The following STIL variants were observed in gnomAD, a reference collection of about 807,000 sequenced individuals.
STIL encodes SCL-interrupting locus protein.
STIL carries 55 observed loss-of-function variants against 110.1 expected under a neutral mutation model. The ratio of observed to expected loss-of-function variants is 0.50; its 90% CI spans 0.40 to 0.63. The LOEUF is 0.63. Among genes scored for constraint, STIL ranks in the 20% least tolerant of loss-of-function variants. STIL has a pLI of 0.00. For synonymous variants in STIL, 481 were observed against 530.0 expected, an observed-to-expected ratio of 0.91 and a Z score of 1.27; for missense variants, 1,358 against 1,530.0, an observed-to-expected ratio of 0.89 and a Z score of 1.87.
At chr1:47,308,156 C>A (rs1297640993) in intron 2 of STIL, among the ~76,000 whole-genome samples, 1 of 152,118 alleles carries the variant, frequency 6.6e-6, no homozygotes, top group Non-Finnish European at 1.5e-5. Flanking sequence ...ATGTCTGTCA[C>A]CCACACCTAT....
At chr1:47,310,745 G>A (rs1646098746) in intron 1 of STIL, among the ~76,000 whole-genome samples, 1 of 152,054 alleles carries the variant, frequency 6.6e-6, no homozygotes, top group Non-Finnish European at 1.5e-5. Context: ...AATGATTTGG[G>A]CTAGATATTT....
chr1:47,280,960 A>C lies in STIL; in HGVS notation c.1498T>G (p.Leu500Val). The change falls in exon 12 of 17, where the codon TTG (leucine) becomes GTG (valine). Residue 500 changes from leucine to valine, a missense_variant. Leu to Val is a conservative substitution (Grantham distance 32). Coordinates refer to ENST00000371877, the MANE Select transcript of STIL (RefSeq NM_001048166.1). Reference protein sequence around the residue: ...NQLNQDKPALLRHCKVRQPPA... With the variant: ...NQLNQDKPALVRHCKVRQPPA... ...GGCTGTCTTACTTTGCAGTGTCTCAAAAGAGCTGGTTTATCCTGGTTTAAC... is the reference window on the plus strand; with the variant it reads ...GGCTGTCTTACTTTGCAGTGTCTCACAAGAGCTGGTTTATCCTGGTTTAAC... 2 of 1,613,998 alleles carry C rather than the reference A, an allele frequency of 1.2e-6. No individual in the cohort carries two copies. The highest frequency in any genetic ancestry group is 1.7e-6 in the Non-Finnish European group (2 of 1,179,988).
intron 13 of STIL, among the ~76,000 whole-genome samples, 195 bp downstream of exon 13, chr1:47,271,879 CTT>C (rs1330876590): frequency 6.6e-6 from 1 of 151,768 alleles, no homozygotes; most frequent in Non-Finnish European, 1.5e-5. Context: ...AAATCAAACA[CTT>C]TATCATGTTA....
chr1:47,293,670 TAAG>T, intron 7 of STIL, 126 bp from the exon 8 acceptor site: 1 of 714,126 alleles, frequency 1.4e-6, no homozygotes, highest in East Asian at 2.7e-5. Context: ...GCCTTAGTAA[TAAG>T]AAATCTAAAA....
intron 12 of STIL, among the ~76,000 whole-genome samples, chr1:47,272,759 A>C (rs918343186): frequency 2.6e-5 from 4 of 152,198 alleles, no homozygotes; most frequent in Non-Finnish European, 5.9e-5. Context: ...AGTATTCGTA[A>C]GTTGATACTC....
chr1:47,303,593 G>C (rs1325530547), intron 3 of STIL, among the ~76,000 whole-genome samples: 4 of 151,962 alleles, frequency 2.6e-5, no homozygotes, highest in Non-Finnish European at 5.9e-5. Context: ...TAAATGAATA[G>C]GTTAGATGGC....
Position 47,280,993 on chromosome 1 carries a change from G to C in STIL, c.1465C>G (p.Pro489Ala). 6.2e-7 allele frequency: 1 copy of C among 1,614,076 alleles called. No individual in the cohort carries two copies. Among genetic ancestry groups the C allele is most frequent in the East Asian group, 2.2e-5 (1 of 44,878 alleles). Residue 489 changes from proline (P) to alanine (A), a missense_variant, in exon 12 of 17, where the codon CCA (proline) becomes GCA (alanine). Coordinates refer to ENST00000371877, the MANE Select transcript of STIL (RefSeq NM_001048166.1). ...GGTTTATCCTGGTTTAACTGATTTG[G>C]TATTCCTCTCAAGGAAGGCTCTCCA... is the stretch of plus-strand genomic sequence containing the variant. ...EAGEPSLRGIPNQLNQDKPAL... is the reference protein window; with the variant it reads ...EAGEPSLRGIANQLNQDKPAL...
chr1:47,267,974 T>C (rs2148822999), intron 14 of STIL, among the ~76,000 whole-genome samples: 1 of 152,300 alleles, frequency 6.6e-6, no homozygotes, highest in Middle Eastern at 3.4e-3. Flanking sequence ...CAAATCACCA[T>C]ATACAATCAG....
intron 2 of STIL, among the ~76,000 whole-genome samples, chr1:47,305,544 T>C (rs934831309): frequency 2.0e-5 from 3 of 151,784 alleles, no homozygotes; most frequent in Non-Finnish European, 4.4e-5. Context: ...TTCTCCAGCC[T>C]TAGCCTCCCA....
intron 13 of STIL, 108 bp downstream of exon 13, chr1:47,271,968 G>A: frequency 7.4e-6 from 9 of 1,209,946 alleles, no homozygotes; most frequent in Non-Finnish European, 1.1e-5. Context: ...CATCACCTTG[G>A]TTTTGGTCCT....
intron 2 of STIL, among the ~76,000 whole-genome samples, chr1:47,306,841 G>A (rs1254617674): frequency 6.6e-6 from 1 of 152,064 alleles, no homozygotes; most frequent in Admixed American, 6.6e-5. Context: ...TATAACACGA[G>A]AAAACCACAA....
chr1:47,277,095 C>G (rs1333778723), intron 12 of STIL, among the ~76,000 whole-genome samples: 1 of 152,058 alleles, frequency 6.6e-6, no homozygotes, highest in Non-Finnish European at 1.5e-5. Flanking sequence ...AGCTCCTTCC[C>G]TGGAGCTTTC....
At chr1:47,277,758 G>T (rs1379992942) in intron 12 of STIL, among the ~76,000 whole-genome samples, 4 of 151,898 alleles carry the variant, frequency 2.6e-5, no homozygotes, top group Admixed American at 6.6e-5. Flanking sequence ...CTAACTATAT[G>T]TCAGCAATAT....
In STIL at chr1:47,263,131, T is replaced by C. The variant is rs371848845; in HGVS notation, c.2616-15A>G. The C allele has an allele frequency of 1.2e-6, 2 of 1,609,842 alleles. No individual in the cohort carries two copies. Among genetic ancestry groups the C allele is most frequent in the African/African-American group, 1.3e-5 (1 of 74,872 alleles). On this transcript the variant is annotated splice_polypyrimidine_tract_variant and intron_variant, in intron 14 of 16. Coordinates refer to ENST00000371877, the MANE Select transcript of STIL (RefSeq NM_001048166.1). Reference sequence around the variant, plus strand: ...GAGAAGAGCTGCTGGGAAGGATATATAATGTGTTAGTCATTGAGGTACCTT... The same window carrying C: ...GAGAAGAGCTGCTGGGAAGGATATACAATGTGTTAGTCATTGAGGTACCTT...
rs752884063 is a variant in STIL at position 47,300,157 on chromosome 1, G to T, written c.454-5C>A. The T allele has an allele frequency of 1.1e-5, 18 of 1,612,008 alleles. No individual in the cohort carries two copies. Among genetic ancestry groups the T allele is most frequent in the Non-Finnish European group, 1.4e-5 (17 of 1,179,280 alleles). On this transcript the variant is annotated splice_region_variant and splice_polypyrimidine_tract_variant and intron_variant, in intron 5 of 16. Coordinates refer to ENST00000371877, the MANE Select transcript of STIL (RefSeq NM_001048166.1). ...ACATATATGGCACTGTAGAGCCTGA[G>T]AAATCAATATTAAATAATTATTTTA...
intron 12 of STIL, among the ~76,000 whole-genome samples, chr1:47,274,753 T>TG (rs2148902394): frequency 6.7e-6 from 1 of 149,520 alleles, no homozygotes; most frequent in Non-Finnish European, 1.5e-5. Flanking sequence ...AAGCTGTGGG[T>TG]GATTAAATCA....
At chr1:47,294,591 G>A (rs12184269) in intron 7 of STIL, among the ~76,000 whole-genome samples, 38,752 of 152,090 alleles carry the variant, frequency 0.25, 5,299 homozygotes, top group Non-Finnish European at 0.32. Context: ...AGGCTGAGGT[G>A]GGAGGATCAC....
intron 5 of STIL, among the ~76,000 whole-genome samples, chr1:47,300,635 T>A (rs1645778111): frequency 6.6e-6 from 1 of 152,064 alleles, no homozygotes; most frequent in African/African-American, 2.4e-5. Context: ...ACCCAGCTAA[T>A]TTTTTATATT....
chr1:47,295,835 C>T lies in STIL; in HGVS notation c.715G>A (p.Asp239Asn). Residue 239 changes from aspartate to asparagine, a missense_variant, in exon 7 of 17, where the codon GAT becomes AAT. By Grantham distance (23) the Asp-to-Asn change is conservative. Coordinates refer to ENST00000371877, the MANE Select transcript of STIL (RefSeq NM_001048166.1). ...AAAAGTAACAATTTGCGTGTTTCAT[C>T]CATGGTAAGATATCTAAACAGAAGA... is the stretch of plus-strand genomic sequence containing the variant. ...GTYKYGYLTM[D>N]ETRKLLLLLE... 6.2e-7 allele frequency: 1 copy of T among 1,611,654 alleles called. No homozygotes were observed. The highest frequency in any genetic ancestry group is 8.5e-7 in the Non-Finnish European group (1 of 1,178,222).
Sources: gnomAD v4.1 joint callset for allele counts (sites outside exome capture counted in the v4.1 genomes callset) on GRCh38, gnomAD v4.1.1 for gene constraint, MANE v1.5 for transcripts, NCBI Gene and HGNC (gene_info 2026-07-23, HGNC 2026-07-21) for gene names.